Variants in EIF4A3 observed in about 807,000 individuals in gnomAD.
EIF4A3 encodes the protein eukaryotic translation initiation factor 4A3, also known as eukaryotic initiation factor 4A-III.
EIF4A3 carries 1 observed loss-of-function variant against 55.6 expected under a neutral mutation model. The observed-to-expected ratio is 0.02, with a 90% confidence interval of 0.01 to 0.09. The LOEUF (loss-of-function observed/expected upper bound fraction) is 0.09. Ranked by LOEUF, EIF4A3 falls within the 10% of genes least tolerant of loss-of-function variation. The pLI, the probability that EIF4A3 is intolerant of heterozygous loss-of-function variation, is 1.00. For synonymous variants in EIF4A3, 194 were observed against 196.3 expected, an observed-to-expected ratio of 0.99 and a Z score of 0.10; for missense variants, 221 against 540.7, an observed-to-expected ratio of 0.41 and a Z score of 5.86.
chr17:80,145,988 A>G (rs1234886904), intron 1 of EIF4A3, among the ~76,000 whole-genome samples: 1 of 152,070 alleles, frequency 6.6e-6, no homozygotes. Flanking sequence ...AAATCTACAG[A>G]CACCCAGAAG....
rs2039554738 is a variant in EIF4A3, at chr17:80,134,521, A to C, written c.*969T>G. Among the ~76,000 whole-genome samples the C allele has an allele frequency of 6.6e-6, 1 of 151,910 alleles. No individual in the cohort carries two copies. The highest frequency in any genetic ancestry group is 1.5e-5 in the Non-Finnish European group (1 of 67,964). Reference sequence around the variant, plus strand: ...CCTGGGCTCTCAAAAAAACAACAAAAAAAAAAAATTAGAAAAATGAGGCCA... The same window carrying C: ...CCTGGGCTCTCAAAAAAACAACAAACAAAAAAAATTAGAAAAATGAGGCCA... On this transcript the variant is annotated 3_prime_UTR_variant, in exon 12 of 12. Transcript: ENST00000649764.
chr17:80,136,500 C>T, intron 9 of EIF4A3, 165 bp from the exon 10 acceptor site: 1 of 613,372 alleles, frequency 1.6e-6, no homozygotes, highest in Non-Finnish European at 2.9e-6. Context: ...AGGGACAGCA[C>T]CAGAAACCCC....
chr17:80,142,616 A>C (rs879822730), intron 2 of EIF4A3, among the ~76,000 whole-genome samples: 2 of 152,196 alleles, frequency 1.3e-5, no homozygotes, highest in Non-Finnish European at 2.9e-5. Context: ...ACGGTGGCAC[A>C]TTCTGGCAGT....
rs753145766 is a variant in EIF4A3, at chr17:80,136,313, C to A, written c.1006G>T (p.Val336Phe). 1 of 1,614,004 alleles carries A rather than the reference C, an allele frequency of 6.2e-7. No individual in the cohort carries two copies. The highest frequency in any genetic ancestry group is 8.5e-7 in the Non-Finnish European group (1 of 1,179,966). ...GGGACATCCAACCCCCTGGCCCAGA[C>A]ATCTGTAGAAATAAGCACTCGGCTG... Reference protein sequence around the residue: ...GASRVLISTDVWARGLDVPQV... With the variant: ...GASRVLISTDFWARGLDVPQV... Residue 336 changes from valine (V) to phenylalanine (F), a missense_variant, in exon 10 of 12, where the codon GTC becomes TTC. Transcript: ENST00000649764.
At chr17:80,138,550 A>G (rs2039592335) in intron 7 of EIF4A3, 2 of 436,708 alleles carry the variant, frequency 4.6e-6, no homozygotes, top group Non-Finnish European at 8.3e-6. Flanking sequence ...CCTAATTTTT[A>G]AATTTAGAAT....
At position 80,134,634 on chromosome 17, in the gene EIF4A3, G is replaced by A. The variant is rs2039555459; in HGVS notation, c.*856C>T. Among the ~76,000 whole-genome samples the A allele has an allele frequency of 6.6e-6, 1 of 151,972 alleles. No individual in the cohort carries two copies. The highest frequency in any genetic ancestry group is 1.5e-5 in the Non-Finnish European group (1 of 68,002). ...AACCCATGAGTGACAGACCAGCCTA[G>A]GCCACAAAGTGAGACCCTGTCTCTA... is the stretch of plus-strand genomic sequence containing the variant. On this transcript the variant is annotated 3_prime_UTR_variant, in exon 12 of 12. Transcript: ENST00000649764.
intron 1 of EIF4A3, among the ~76,000 whole-genome samples, chr17:80,144,921 C>T (rs2039647380): frequency 6.6e-6 from 1 of 152,202 alleles, no homozygotes; most frequent in Non-Finnish European, 1.5e-5. Context: ...ACGTGTTTTT[C>T]AAGTAAATAA....
chr17:80,143,795 A>G (rs1163439701), intron 2 of EIF4A3, among the ~76,000 whole-genome samples: 2 of 125,654 alleles, frequency 1.6e-5, no homozygotes, highest in Non-Finnish European at 3.4e-5. Flanking sequence ...CCTGACCAAC[A>G]TGGTGAAACC....
chr17:80,136,511 T>C (rs2039571579), intron 9 of EIF4A3, 176 bp from the exon 10 acceptor site: 4 of 594,114 alleles, frequency 6.7e-6, no homozygotes, highest in Admixed American at 3.1e-5. Flanking sequence ...CAGAAACCCC[T>C]GTGCAGAGGG....
In EIF4A3 at chr17:80,139,143, G is replaced by A. The variant is rs375014709; in HGVS notation, c.606C>T (p.Tyr202=). 32 of 1,613,904 alleles carry A rather than the reference G, an allele frequency of 2.0e-5. No individual in the cohort carries two copies. Among genetic ancestry groups the A allele is most frequent in the African/African-American group, 8.0e-5 (6 of 74,878 alleles). Residue 202 remains tyrosine, a synonymous_variant, in exon 7 of 12, where the codon TAC becomes TAT. Transcript: ENST00000649764. ...CTGGAGGCAGGTACCTGTATACATC[G>A]TAAATCTGCTCTTTGAAACCTGGGA... ...MLNKGFKEQI[Y]DVYRYLPPAT...
chr17:80,142,734 G>C (rs1248051774), intron 2 of EIF4A3, among the ~76,000 whole-genome samples: 8 of 152,108 alleles, frequency 5.3e-5, no homozygotes, highest in Non-Finnish European at 8.8e-5. Flanking sequence ...GACGAAGTGA[G>C]GCCCCATATC....
rs560451465 is a variant in EIF4A3, at chr17:80,144,311, C to G, written c.170-67G>C. The G allele has an allele frequency of 6.3e-4, 912 of 1,446,538 alleles. 4 individuals are homozygous for G. Among genetic ancestry groups the G allele is most frequent in the Middle Eastern group, 3.3e-3 (19 of 5,746 alleles). 89.6% of individuals were successfully genotyped at this position (1,446,538 alleles called of 1,614,324 possible). On this transcript the variant is annotated intron_variant, in intron 1 of 11. Coordinates refer to ENST00000649764, the MANE Select transcript of EIF4A3 (RefSeq NM_014740.4). ...GCATAGAAACCCTGTACTGTGAGCT[C>G]CTCAGGGGCAGACATGGTTTGTTTT...
In EIF4A3 at chr17:80,139,588, C is replaced by A. The variant is rs1214953594; in HGVS notation, c.586+82G>T. 21 of 1,223,332 alleles carry A rather than the reference C, an allele frequency of 1.7e-5. No homozygotes were observed. In the South Asian group the frequency reaches 2.6e-4, roughly 15 times the overall value. 75.8% of individuals were successfully genotyped at this position (1,223,332 alleles called of 1,614,324 possible). ...ACACTATTCACATTCAGAACAGTCA[C>A]TGGCTGTTTCAATTTTACACTGTGA... On this transcript the variant is annotated intron_variant, in intron 6 of 11. Transcript: ENST00000649764.
chr17:80,137,653 A>C (rs1567848540), intron 8 of EIF4A3, 152 bp from the exon 9 acceptor site: 1 of 624,896 alleles, frequency 1.6e-6, no homozygotes, highest in East Asian at 3.0e-5. Flanking sequence ...GGATGTAAAA[A>C]CTTTTTCCCA....
Position 80,146,793 on chromosome 17 carries a change from C to T in EIF4A3, c.169G>A (p.Gly57Ser). Reference sequence around the variant, plus strand: ...GCCCCCGCGGCCCGCGCCCGCTCACCGTAAGCGTAGATGCCCCGCAGCAGG... The same window carrying T: ...GCCCCCGCGGCCCGCGCCCGCTCACTGTAAGCGTAGATGCCCCGCAGCAGG... ...EDLLRGIYAY[G>S]FEKPSAIQQR... is the part of the protein sequence containing the mutation. The change falls in exon 1 of 12, where the codon GGT becomes AGT. Residue 57 changes from glycine (G) to serine (S), a missense_variant and splice_region_variant. Coordinates refer to ENST00000649764, the MANE Select transcript of EIF4A3 (RefSeq NM_014740.4). 1 of 1,607,118 alleles carries T rather than the reference C, an allele frequency of 6.2e-7. No homozygotes were observed. The highest frequency in any genetic ancestry group is 8.5e-7 in the Non-Finnish European group (1 of 1,178,674).
chr17:80,138,215 A>G lies in EIF4A3; in HGVS notation c.794T>C (p.Phe265Ser). 1 of 1,614,114 alleles carries G rather than the reference A, an allele frequency of 6.2e-7. No individual in the cohort carries two copies. The highest frequency in any genetic ancestry group is 8.5e-7 in the Non-Finnish European group (1 of 1,180,034). Reference sequence around the variant, plus strand: ...GTCGTAGAGGTCACACAGAGTGTCAAATTTCCACTCTTCCCTCTCCACTGC... The same window carrying G: ...GTCGTAGAGGTCACACAGAGTGTCAGATTTCCACTCTTCCCTCTCCACTGC... ...FVAVEREEWK[F>S]DTLCDLYDTL... The change falls in exon 8 of 12, where the codon TTT (phenylalanine) becomes TCT (serine). Residue 265 changes from phenylalanine to serine, a missense_variant. Phe to Ser is a radical substitution (Grantham distance 155). Transcript: ENST00000649764.
Position 80,147,065 on chromosome 17 carries a change from C to T in EIF4A3, c.-104G>A. The T allele has an allele frequency of 7.6e-7, 1 of 1,319,632 alleles. No homozygotes were observed. The highest frequency in any genetic ancestry group is 1.6e-5 in the South Asian group (1 of 63,694). 81.7% of individuals were successfully genotyped at this position (1,319,632 alleles called of 1,614,324 possible). On this transcript the variant is annotated 5_prime_UTR_variant, in exon 1 of 12. Transcript: ENST00000649764. ...GACCTCGCTGCCGCTGCCGACCTCGCTGTGCCGCTGCCGACCTCGCTGTGC... is the reference window on the plus strand; with the variant it reads ...GACCTCGCTGCCGCTGCCGACCTCGTTGTGCCGCTGCCGACCTCGCTGTGC...
intron 4 of EIF4A3, 150 bp from the exon 5 acceptor site, chr17:80,140,290 C>T: frequency 2.1e-6 from 2 of 974,876 alleles, no homozygotes; most frequent in South Asian, 2.8e-5. Context: ...GCTCTTTTCT[C>T]TGACAAAAAC....
intron 7 of EIF4A3, 124 bp downstream of exon 7, chr17:80,138,897 G>A (rs1480652121): frequency 7.6e-7 from 1 of 1,320,424 alleles, no homozygotes; most frequent in Non-Finnish European, 1.1e-6. Flanking sequence ...TGAGGTCCGG[G>A]TTTTGACACG....
Sources: allele counts gnomAD v4.1 joint callset (sites outside exome capture counted in the v4.1 genomes callset), GRCh38; gene constraint gnomAD v4.1.1; transcripts MANE v1.5; gene names NCBI Gene and HGNC (gene_info 2026-07-23, HGNC 2026-07-21).